The following PAIP2B variants were observed in gnomAD, a reference collection of about 807,000 sequenced individuals.
PAIP2B encodes poly(A) binding protein interacting protein 2B, also known as polyadenylate-binding protein-interacting protein 2B.
PAIP2B carries 13 observed loss-of-function variants against 17.0 expected under a neutral mutation model. The ratio of observed to expected loss-of-function variants is 0.76; its 90% CI spans 0.50 to 1.22. The LOEUF (loss-of-function observed/expected upper bound fraction) is 1.22, where lower values mean the gene tolerates loss of function less well. PAIP2B is among the 50% of genes most tolerant of loss of function. The pLI is 0.00. For synonymous variants in PAIP2B, 43 were observed against 48.7 expected, an observed-to-expected ratio of 0.88 and a Z score of 0.48; for missense variants, 117 against 144.5, an observed-to-expected ratio of 0.81 and a Z score of 0.98.
rs566272185 is a variant in PAIP2B, at chr2:71,209,280, G to A, written c.-11-6680C>T. ...GAAACTGGAGGGGTATGAAGTCCAC[G>A]GAAATGACATCTTTAAAGATTAGAA... is the stretch of plus-strand genomic sequence containing the variant. On this transcript the variant is annotated intron_variant, in intron 1 of 3. Coordinates refer to ENST00000244221, the MANE Select transcript of PAIP2B (RefSeq NM_020459.1). 1.2e-4 allele frequency among the ~76,000 whole-genome samples: 18 copies of A among 152,262 alleles called. No individual in the cohort carries two copies. The South Asian group carries it at 3.1e-3, about 26-fold the overall frequency.
intron 1 of PAIP2B, among the ~76,000 whole-genome samples, chr2:71,211,689 T>C (rs1410569933): frequency 1.3e-5 from 2 of 152,144 alleles, no homozygotes; most frequent in Non-Finnish European, 2.9e-5. Context: ...AATTTATGTA[T>C]TAATTTGTTA....
At chr2:71,205,667 C>T (rs1675106406) in intron 1 of PAIP2B, among the ~76,000 whole-genome samples, 1 of 152,198 alleles carries the variant, frequency 6.6e-6, no homozygotes, top group Admixed American at 6.5e-5. Flanking sequence ...TTCCCCAGCT[C>T]ACGGTCCATG....
At chr2:71,223,494 A>G (rs1675644640) in intron 1 of PAIP2B, among the ~76,000 whole-genome samples, 1 of 149,104 alleles carries the variant, frequency 6.7e-6, no homozygotes, top group Non-Finnish European at 1.5e-5. Context: ...GCTGGAGTGC[A>G]GTGGCACGAT....
chr2:71,192,675 G>A (rs1306981332), intron 2 of PAIP2B, among the ~76,000 whole-genome samples: 1 of 151,910 alleles, frequency 6.6e-6, no homozygotes, highest in East Asian at 1.9e-4. Context: ...ACTTATAAGT[G>A]AGAACATGTA....
rs992943951 is a variant in PAIP2B, at chr2:71,227,006, C to T, written c.-90G>A. ...GCTTAAGCCGTTGCCGTAGAGGTCG[C>T]CGTCGCCACAACAGTCTCGGCCTTT... On this transcript the variant is annotated 5_prime_UTR_variant, in exon 1 of 4. Transcript: ENST00000244221. 6 of 153,168 alleles carry T rather than the reference C, an allele frequency of 3.9e-5. No homozygotes were observed. Among genetic ancestry groups the T allele is most frequent in the Non-Finnish European group, 5.9e-5 (4 of 68,124 alleles). The allele number at this position is 153,168 out of a possible 1,614,324, so 9.5% of individuals were successfully genotyped here.
At position 71,216,830 on chromosome 2, in the gene PAIP2B, C is replaced by T. The variant is rs1163980927; in HGVS notation, c.-12+10098G>A. On this transcript the variant is annotated intron_variant, in intron 1 of 3. Coordinates refer to ENST00000244221, the MANE Select transcript of PAIP2B (RefSeq NM_020459.1). ...GTTCTATCTTGATATGAAATAATGACATCCAATTAAAAGACATATATCTCC... is the reference window on the plus strand; with the variant it reads ...GTTCTATCTTGATATGAAATAATGATATCCAATTAAAAGACATATATCTCC... 5.9e-5 allele frequency among the ~76,000 whole-genome samples: 9 copies of T among 152,194 alleles called. No individual in the cohort carries two copies. In the South Asian group the frequency reaches 1.4e-3, roughly 25 times the overall value.
At chr2:71,190,521 T>TAGCA in intron 2 of PAIP2B, among the ~76,000 whole-genome samples, 1 of 152,312 alleles carries the variant, frequency 6.6e-6, no homozygotes, top group East Asian at 1.9e-4. Flanking sequence ...TAGCTAGAGA[T>TAGCA]AGCATAATTT....
intron 2 of PAIP2B, 145 bp downstream of exon 2, chr2:71,202,307 C>G: frequency 1.0e-6 from 1 of 978,420 alleles, no homozygotes; most frequent in South Asian, 1.8e-5. Context: ...CTTGGTCATT[C>G]CAGATGAGGC....
At chr2:71,193,324 G>A (rs1674734425) in intron 2 of PAIP2B, among the ~76,000 whole-genome samples, 1 of 152,012 alleles carries the variant, frequency 6.6e-6, no homozygotes, top group Admixed American at 6.6e-5. Context: ...CCTTATAGAT[G>A]CTTGATATCA....
rs940598597 is a variant in PAIP2B, at chr2:71,186,789, C to T, written c.*1690G>A. 1 of 152,202 alleles carries T rather than the reference C, an allele frequency of 6.6e-6. No homozygotes were observed. The highest frequency in any genetic ancestry group is 1.5e-5 in the Non-Finnish European group (1 of 68,040). 9.4% of individuals were successfully genotyped at this position (152,202 alleles called of 1,614,324 possible). A position where few individuals can be genotyped will look rare whatever the true frequency, so the allele number is the denominator to read the frequency against. ...CTGGTAATGCAAGTTCTCTAAGCTA[C>T]TCTCCTATGACATGTGACCTAACAA... is the stretch of plus-strand genomic sequence containing the variant. On this transcript the variant is annotated 3_prime_UTR_variant, in exon 4 of 4. Transcript: ENST00000244221.
chr2:71,203,676 A>G (rs1359444082), intron 1 of PAIP2B, among the ~76,000 whole-genome samples: 4 of 151,788 alleles, frequency 2.6e-5, no homozygotes, highest in East Asian at 1.9e-4. Context: ...TGGGGTATAT[A>G]TCTTTTCCTT....
chr2:71,215,388 G>A (rs1322303391), intron 1 of PAIP2B, among the ~76,000 whole-genome samples: 8 of 152,156 alleles, frequency 5.3e-5, no homozygotes, highest in Non-Finnish European at 7.4e-5. Flanking sequence ...AAGGTGAGGC[G>A]CAAAATCTGT....
chr2:71,203,903 A>G (rs1288479292), intron 1 of PAIP2B, among the ~76,000 whole-genome samples: 1 of 151,912 alleles, frequency 6.6e-6, no homozygotes, highest in Non-Finnish European at 1.5e-5. Context: ...TGGCTTCTAA[A>G]CCCATTTTGA....
rs747505096 is a variant in PAIP2B, at chr2:71,188,329, G to A, written c.*150C>T. On this transcript the variant is annotated 3_prime_UTR_variant, in exon 4 of 4. Transcript: ENST00000244221. The stretch of plus-strand genomic sequence containing the variant: ...GCTTAGAATAAGACTGAGCATATTA[G>A]TTACTCAGAGTCACAGTATTGTGAG... The A allele has an allele frequency of 3.1e-6, 2 of 641,104 alleles. No individual in the cohort carries two copies. The highest frequency in any genetic ancestry group is 5.6e-6 in the Non-Finnish European group (2 of 359,816). 39.7% of individuals were successfully genotyped at this position (641,104 alleles called of 1,614,324 possible).
intron 2 of PAIP2B, among the ~76,000 whole-genome samples, chr2:71,197,658 A>G (rs1674856095): frequency 6.6e-6 from 1 of 152,248 alleles, no homozygotes; most frequent in African/African-American, 2.4e-5. Context: ...TTTAAAAAAG[A>G]AGGAGGTTTA....
rs138286492 is a variant in PAIP2B, at chr2:71,191,653, T to C, written c.139-1632A>G. The stretch of plus-strand genomic sequence containing the variant: ...CAAGTGACTATTCATCACAAAATGT[T>C]CCCACAAGGGACATGGACACTTTGG... On this transcript the variant is annotated intron_variant, in intron 2 of 3. Coordinates refer to ENST00000244221, the MANE Select transcript of PAIP2B (RefSeq NM_020459.1). Among the ~76,000 whole-genome samples, 51 of 152,330 alleles carry C rather than the reference T, an allele frequency of 3.3e-4. 1 individual carries two copies. Among genetic ancestry groups the C allele is most frequent in the African/African-American group, 9.6e-4 (40 of 41,582 alleles).
At chr2:71,225,855 A>G (rs974805073) in intron 1 of PAIP2B, among the ~76,000 whole-genome samples, 1 of 152,164 alleles carries the variant, frequency 6.6e-6, no homozygotes, top group Non-Finnish European at 1.5e-5. Flanking sequence ...TTGTTTTTGG[A>G]CAGATTCAAT....
intron 1 of PAIP2B, among the ~76,000 whole-genome samples, chr2:71,204,921 C>A (rs750617222): frequency 1.3e-5 from 2 of 152,056 alleles, no homozygotes; most frequent in Non-Finnish European, 2.9e-5. Flanking sequence ...GATTTCTCAC[C>A]ACCAATATGG....
intron 2 of PAIP2B, among the ~76,000 whole-genome samples, chr2:71,191,645 CA>C (rs1329270438): frequency 1.3e-5 from 2 of 152,220 alleles, no homozygotes; most frequent in African/African-American, 2.4e-5. Flanking sequence ...CTATTCATCA[CA>C]AAATGTTCCC....
Sources: gnomAD v4.1 joint callset for allele counts (sites outside exome capture counted in the v4.1 genomes callset) on GRCh38, gnomAD v4.1.1 for gene constraint, MANE v1.5 for transcripts, NCBI Gene and HGNC (gene_info 2026-07-23, HGNC 2026-07-21) for gene names.